The following ARHGAP5 variants were observed in gnomAD, a reference collection of about 807,000 sequenced individuals.
The protein encoded by ARHGAP5 is rho GTPase-activating protein 5.
A neutral mutation model predicts 116.6 loss-of-function variants in ARHGAP5; 23 were observed. The observed-to-expected ratio is 0.20, with a 90% confidence interval of 0.14 to 0.28. The LOEUF (loss-of-function observed/expected upper bound fraction) is 0.28, where lower values mean the gene tolerates loss of function less well. Among genes scored for constraint, ARHGAP5 ranks in the 10% least tolerant of loss-of-function variants. The pLI, the probability that ARHGAP5 is intolerant of heterozygous loss-of-function variation, is 1.00. For missense variants in ARHGAP5, 1,405 were observed against 1,774.8 expected, an observed-to-expected ratio of 0.79 and a Z score of 3.74; for synonymous variants, 574 against 602.0, an observed-to-expected ratio of 0.95 and a Z score of 0.68.
At chr14:32,113,807 A>G (rs1203656618) in intron 2 of ARHGAP5, among the ~76,000 whole-genome samples, 1 of 152,252 alleles carries the variant, frequency 6.6e-6, no homozygotes, top group African/African-American at 2.4e-5. Context: ...TGATTGGAAC[A>G]TTTAGAGTTG....
chr14:32,142,219 A>G (rs2139130573), intron 3 of ARHGAP5, among the ~76,000 whole-genome samples: 1 of 152,194 alleles, frequency 6.6e-6, no homozygotes, highest in Non-Finnish European at 1.5e-5. Context: ...AGAACTTTTG[A>G]TTTAAAGTCT....
intron 3 of ARHGAP5, among the ~76,000 whole-genome samples, chr14:32,129,066 G>A (rs1880340339): frequency 6.6e-6 from 1 of 152,158 alleles, no homozygotes; most frequent in South Asian, 2.1e-4. Flanking sequence ...TCCTGCTGCT[G>A]TGTATCTCAT....
chr14:32,146,411 A>T, intron 4 of ARHGAP5, 71 bp downstream of exon 4: 2 of 1,131,382 alleles, frequency 1.8e-6, no homozygotes, highest in South Asian at 2.6e-5. Context: ...TGGTGAGAAG[A>T]TTGATTTTCA....
intron 3 of ARHGAP5, among the ~76,000 whole-genome samples, chr14:32,141,391 A>T (rs1219695378): frequency 6.6e-6 from 1 of 152,178 alleles, no homozygotes; most frequent in Non-Finnish European, 1.5e-5. Flanking sequence ...AGTGTACAAA[A>T]ACCGCTCCTT....
intron 3 of ARHGAP5, among the ~76,000 whole-genome samples, chr14:32,119,592 G>A (rs542734904): frequency 1.6e-4 from 24 of 152,188 alleles, no homozygotes; most frequent in African/African-American, 5.8e-4. Flanking sequence ...ACCGCTAAAA[G>A]CATCTGGTGT....
In ARHGAP5 at chr14:32,093,641, A is replaced by G. The variant is rs755646012; in HGVS notation, c.2972A>G (p.Tyr991Cys). Residue 991 changes from tyrosine (Y) to cysteine (C), a missense_variant, in exon 2 of 7, where the codon TAT (tyrosine) becomes TGT (cysteine). Coordinates refer to ENST00000345122, the MANE Select transcript of ARHGAP5 (RefSeq NM_001030055.2). ...SDDDTEAPPP[Y>C]SPIGDDVQLL... The stretch of plus-strand genomic sequence containing the variant: ...GATGACACAGAAGCACCACCTCCTT[A>G]TAGTCCAATTGGGGATGATGTACAG... 9.3e-6 allele frequency: 15 copies of G among 1,613,892 alleles called. No homozygotes were observed. The highest frequency in any genetic ancestry group is 1.3e-5 in the Non-Finnish European group (15 of 1,179,908).
chr14:32,152,854 A>G (rs1013280804), intron 6 of ARHGAP5, among the ~76,000 whole-genome samples: 2 of 152,156 alleles, frequency 1.3e-5, no homozygotes, highest in Non-Finnish European at 2.9e-5. Context: ...TTGAAAAATT[A>G]CTAGTTCTGT....
chr14:32,134,404 T>C (rs1405616162), intron 3 of ARHGAP5, among the ~76,000 whole-genome samples: 1 of 152,228 alleles, frequency 6.6e-6, no homozygotes, highest in Non-Finnish European at 1.5e-5. Flanking sequence ...GTCTTATTCC[T>C]GTAATGGCAT....
chr14:32,106,023 AG>A (rs755802482), intron 2 of ARHGAP5, among the ~76,000 whole-genome samples: 7 of 152,242 alleles, frequency 4.6e-5, no homozygotes, highest in South Asian at 2.1e-4. Context: ...GAAGGACATC[AG>A]GTCGTTCCAG....
chr14:32,099,232 TGAG>T (rs1325209381), intron 2 of ARHGAP5, among the ~76,000 whole-genome samples: 3 of 152,166 alleles, frequency 2.0e-5, no homozygotes, highest in South Asian at 2.1e-4. Context: ...AGTTTGGAGT[TGAG>T]GAGTGGAAAT....
chr14:32,077,444 T>C lies in ARHGAP5; in HGVS notation c.-169+9T>C, dbSNP rs1479015749. On this transcript the variant is annotated intron_variant, in intron 1 of 6. Transcript: ENST00000345122. ...GAGACCGACGTTGTTAGGTAGGACC[T>C]TGCGGACCCCGCTCCTCCAAGCCTG... The C allele has an allele frequency of 1.4e-6, 1 of 701,188 alleles. No individual in the cohort carries two copies. The highest frequency in any genetic ancestry group is 1.5e-5 in the South Asian group (1 of 67,208). 43.4% of individuals were successfully genotyped at this position (701,188 alleles called of 1,614,324 possible).
chr14:32,153,096 TACA>T (rs1881719787), intron 6 of ARHGAP5, among the ~76,000 whole-genome samples: 1 of 150,822 alleles, frequency 6.6e-6, no homozygotes, highest in Non-Finnish European at 1.5e-5. Context: ...CCAAACCAAG[TACA>T]TTTCAGCTGG....
chr14:32,115,598 G>A (rs1482966085), intron 2 of ARHGAP5, among the ~76,000 whole-genome samples: 2 of 150,210 alleles, frequency 1.3e-5, no homozygotes, highest in South Asian at 2.1e-4. Flanking sequence ...CCCGGGAGGC[G>A]GAGCTTGCAG....
At chr14:32,142,592 G>A (rs1196212653) in intron 3 of ARHGAP5, among the ~76,000 whole-genome samples, 2 of 152,310 alleles carry the variant, frequency 1.3e-5, no homozygotes, top group African/African-American at 2.4e-5. Context: ...ACAAAGGCAA[G>A]CCCTTGTGCC....
chr14:32,095,884 A>T (rs1049840976), intron 2 of ARHGAP5, among the ~76,000 whole-genome samples: 1 of 152,130 alleles, frequency 6.6e-6, no homozygotes, highest in African/African-American at 2.4e-5. Context: ...AAACTACTTA[A>T]TGTTTATTAA....
At chr14:32,096,284 GTCTT>G (rs1443578746) in intron 2 of ARHGAP5, among the ~76,000 whole-genome samples, 2 of 152,130 alleles carry the variant, frequency 1.3e-5, no homozygotes, top group African/African-American at 4.8e-5. Context: ...CTGCTGCATA[GTCTT>G]TCTAATTACA....
Position 32,115,621 on chromosome 14 carries a change from G to A in ARHGAP5, c.3718-1519G>A, listed in dbSNP as rs373868588. 4.2e-5 allele frequency among the ~76,000 whole-genome samples: 6 copies of A among 142,612 alleles called. No homozygotes were observed. In the East Asian group the frequency reaches 1.1e-3, roughly 25 times the overall value. 93.6% of individuals were successfully genotyped at this position (142,612 alleles called of 152,430 possible). On this transcript the variant is annotated intron_variant, in intron 2 of 6. Transcript: ENST00000345122. ...GCGGAGCTTGCAGTGAGCCGAGATC[G>A]CGCCACTGCACTCCAGCCTGGGTGG...
Position 32,158,560 on chromosome 14 carries a change from T to C in ARHGAP5, c.*3612T>C, listed in dbSNP as rs1881994538. On this transcript the variant is annotated 3_prime_UTR_variant, in exon 7 of 7. Transcript: ENST00000345122. ...GTGGTATATGTTGTCAGTCTGGATC[T>C]GGTGAGGTCTGTTCAACATGAATCT... 2 of 152,058 alleles carry C rather than the reference T, an allele frequency of 1.3e-5. No individual in the cohort carries two copies. The highest frequency in any genetic ancestry group is 4.8e-5 in the African/African-American group (2 of 41,452). The allele number at this position is 152,058 out of a possible 1,614,324, so 9.4% of individuals were successfully genotyped here. A position where few individuals can be genotyped will look rare whatever the true frequency, so the allele number is the denominator to read the frequency against.
chr14:32,138,351 C>T (rs1880921606), intron 3 of ARHGAP5, among the ~76,000 whole-genome samples: 1 of 152,188 alleles, frequency 6.6e-6, no homozygotes, highest in Non-Finnish European at 1.5e-5. Flanking sequence ...GCAGTGCAAT[C>T]TCTGCTCACT....
Sources: gnomAD v4.1 joint callset for allele counts (sites outside exome capture counted in the v4.1 genomes callset) on GRCh38, gnomAD v4.1.1 for gene constraint, MANE v1.5 for transcripts, NCBI Gene and HGNC (gene_info 2026-07-23, HGNC 2026-07-21) for gene names.